The following KIAA0753 variants were observed in gnomAD, a reference collection of about 807,000 sequenced individuals.
KIAA0753 encodes the protein protein moonraker.
In KIAA0753, 114 loss-of-function variants were observed where a neutral mutation model predicts 116.9. The observed-to-expected ratio is 0.98, with a 90% CI of 0.84 to 1.14. The LOEUF (loss-of-function observed/expected upper bound fraction) is 1.14, where lower values mean the gene tolerates loss of function less well. KIAA0753 is among the 50% of genes most tolerant of loss of function. The pLI, the probability that KIAA0753 is intolerant of heterozygous loss-of-function variation, is 0.00. For missense variants in KIAA0753, 1,156 were observed against 1,172.4 expected (o/e 0.99, Z 0.20); for synonymous variants, 405 against 413.1 (o/e 0.98, Z 0.24).
At chr17:6,593,017 G>A (rs571106917) in intron 16 of KIAA0753, among the ~76,000 whole-genome samples, 1 of 152,184 alleles carries the variant, frequency 6.6e-6, no homozygotes, top group Admixed American at 6.5e-5. Flanking sequence ...TACTAAAAAC[G>A]AAAGAATTGT....
At chr17:6,584,011 C>G (rs561521636) in intron 18 of KIAA0753, among the ~76,000 whole-genome samples, 3 of 152,330 alleles carry the variant, frequency 2.0e-5, no homozygotes, top group African/African-American at 7.2e-5. Flanking sequence ...TCAATCCAAT[C>G]TGAGATAATT....
chr17:6,604,177 A>T (rs976993708), intron 12 of KIAA0753, among the ~76,000 whole-genome samples: 6 of 152,354 alleles, frequency 3.9e-5, no homozygotes, highest in Admixed American at 6.5e-5. Context: ...GTTCACACAA[A>T]TACTTCTACA....
chr17:6,592,700 A>C (rs1969160682), intron 16 of KIAA0753, among the ~76,000 whole-genome samples: 1 of 152,226 alleles, frequency 6.6e-6, no homozygotes. Flanking sequence ...ACATAAAACT[A>C]AAACCATAAA....
At chr17:6,636,360 T>C (rs1404443396) in intron 1 of KIAA0753, 3 of 151,984 alleles carry the variant, frequency 2.0e-5, no homozygotes, top group Non-Finnish European at 4.4e-5. Flanking sequence ...GCTGCAGAAA[T>C]GGGGCCCGGA....
chr17:6,624,945 A>ATT, intron 3 of KIAA0753, 84 bp from the exon 4 acceptor site: 1 of 880,072 alleles, frequency 1.1e-6, no homozygotes, highest in Non-Finnish European at 1.8e-6. Flanking sequence ...TTACAGAAAT[A>ATT]ATAAAGTTGA....
intron 4 of KIAA0753, 55 bp downstream of exon 4, chr17:6,624,700 C>T: frequency 8.7e-7 from 1 of 1,144,462 alleles, no homozygotes; most frequent in Non-Finnish European, 1.3e-6. Flanking sequence ...CAGAAACTCT[C>T]TAAGGAAGCA....
intron 16 of KIAA0753, among the ~76,000 whole-genome samples, chr17:6,591,302 A>G (rs1271604021): frequency 6.6e-6 from 1 of 152,240 alleles, no homozygotes; most frequent in Non-Finnish European, 1.5e-5. Context: ...CCTTTTCTTA[A>G]GTAGGGAGCA....
chr17:6,587,616 A>C (rs1440538021), intron 18 of KIAA0753, among the ~76,000 whole-genome samples: 1 of 152,226 alleles, frequency 6.6e-6, no homozygotes, highest in Non-Finnish European at 1.5e-5. Flanking sequence ...AGTCGCGTTT[A>C]CTTCTTCTCT....
At chr17:6,606,704 A>C (rs1970215584) in intron 12 of KIAA0753, among the ~76,000 whole-genome samples, 169 bp downstream of exon 12, 1 of 152,198 alleles carries the variant, frequency 6.6e-6, no homozygotes, top group African/African-American at 2.4e-5. Context: ...CACACAAAAG[A>C]AGCATTTCCT....
At chr17:6,600,919 G>A in intron 12 of KIAA0753, 1 of 160,112 alleles carries the variant, frequency 6.2e-6, no homozygotes, top group Non-Finnish European at 1.4e-5. Flanking sequence ...GAAAACAAAG[G>A]ACAAAAGTGA....
intron 13 of KIAA0753, among the ~76,000 whole-genome samples, chr17:6,599,856 T>C (rs577654370): frequency 6.6e-6 from 1 of 152,274 alleles, no homozygotes; most frequent in Admixed American, 6.5e-5. Flanking sequence ...ACACACAAGA[T>C]TGCTTCTATT....
intron 16 of KIAA0753, among the ~76,000 whole-genome samples, chr17:6,593,389 C>T (rs1054771168): frequency 2.0e-5 from 3 of 150,816 alleles, no homozygotes; most frequent in East Asian, 1.9e-4. Context: ...TTCGGGAGGC[C>T]GGGAGCAGTG....
At chr17:6,593,921 A>G (rs1165088930) in intron 16 of KIAA0753, among the ~76,000 whole-genome samples, 1 of 152,152 alleles carries the variant, frequency 6.6e-6, no homozygotes, top group African/African-American at 2.4e-5. Flanking sequence ...GGTTCTAAAT[A>G]TCATTATTCA....
chr17:6,613,193 T>C (rs1876026160), intron 7 of KIAA0753, among the ~76,000 whole-genome samples: 1 of 152,032 alleles, frequency 6.6e-6, no homozygotes, highest in African/African-American at 2.4e-5. Flanking sequence ...CTCATTAACA[T>C]GACAACAAAA....
intron 1 of KIAA0753, chr17:6,638,807 C>G (rs1972489960): frequency 6.5e-6 from 1 of 153,026 alleles, no homozygotes. Flanking sequence ...TGTCCCGCTC[C>G]CCACAGCCCT....
intron 2 of KIAA0753, among the ~76,000 whole-genome samples, chr17:6,634,029 A>ACATCTT (rs1972159941): frequency 6.6e-6 from 1 of 151,992 alleles, no homozygotes; most frequent in Middle Eastern, 3.2e-3. Flanking sequence ...TGCAATGTGT[A>ACATCTT]CATCTTTCAC....
rs772719537 is a variant in KIAA0753 at position 6,620,784 on chromosome 17, A to G, written c.1315+4T>C. 5.0e-6 allele frequency: 8 copies of G among 1,613,750 alleles called. No individual in the cohort carries two copies. Among genetic ancestry groups the G allele is most frequent in the Middle Eastern group, 1.7e-4 (1 of 6,046 alleles). On this transcript the variant is annotated splice_donor_region_variant and intron_variant, in intron 7 of 18. Coordinates refer to ENST00000361413, the MANE Select transcript of KIAA0753 (RefSeq NM_014804.3). Reference sequence around the variant, plus strand: ...TCTTACAATAAACACTTTAAGACACATACCGGCAAGAAGCTGCTTTGCTAC... The same window carrying G: ...TCTTACAATAAACACTTTAAGACACGTACCGGCAAGAAGCTGCTTTGCTAC...
intron 12 of KIAA0753, 60 bp downstream of exon 12, chr17:6,606,813 T>C: frequency 7.0e-7 from 1 of 1,426,524 alleles, no homozygotes; most frequent in Non-Finnish European, 9.9e-7. Flanking sequence ...TTGCTAGAAC[T>C]ATCTAGATCA....
chr17:6,590,401 C>T lies in KIAA0753; in HGVS notation c.2561+109G>A. ...CATCTTGGAGTTTGGCAAGATCTTG[C>T]TCAAAGGAAGAATTTCTGTCTGTCT... On this transcript the variant is annotated intron_variant, in intron 17 of 18. Coordinates refer to ENST00000361413, the MANE Select transcript of KIAA0753 (RefSeq NM_014804.3). 9 of 1,361,432 alleles carry T rather than the reference C, an allele frequency of 6.6e-6. 1 individual carries two copies. The South Asian group carries it at 1.2e-4, about 18-fold the overall frequency. The allele number at this position is 1,361,432 out of a possible 1,614,324, so 84.3% of individuals were successfully genotyped here.
Sources: allele counts gnomAD v4.1 joint callset (sites outside exome capture counted in the v4.1 genomes callset), GRCh38; gene constraint gnomAD v4.1.1; transcripts MANE v1.5; gene names NCBI Gene and HGNC (gene_info 2026-07-23, HGNC 2026-07-21).